Variants in MGAT5 observed in about 807,000 individuals in gnomAD.
MGAT5 encodes alpha-1,6-mannosylglycoprotein 6-beta-N-acetylglucosaminyltransferase A.
In MGAT5, 30 loss-of-function variants were observed where a neutral mutation model predicts 94.3. The observed-to-expected ratio is 0.32, with a 90% CI of 0.24 to 0.43. MGAT5 has a LOEUF of 0.43. Ranked by LOEUF, MGAT5 falls within the 20% of genes least tolerant of loss-of-function variation. The pLI is 1.00. For synonymous variants in MGAT5, 310 were observed against 322.9 expected (o/e 0.96, Z 0.43); for missense variants, 691 against 905.5 (o/e 0.76, Z 3.04).
intron 1 of MGAT5, among the ~76,000 whole-genome samples, chr2:134,227,627 TG>T (rs1464647765): frequency 2.0e-5 from 3 of 152,222 alleles, no homozygotes; most frequent in African/African-American, 7.2e-5. Context: ...TACTTACCTT[TG>T]AATTGCATTG....
intron 1 of MGAT5, among the ~76,000 whole-genome samples, chr2:134,230,260 C>T (rs757904005): frequency 9.9e-5 from 15 of 152,136 alleles, no homozygotes; most frequent in Admixed American, 2.0e-4. Context: ...CTAATGCAAC[C>T]GCTGATATGA....
upstream of MGAT5, among the ~76,000 whole-genome samples, chr2:134,252,331 G>T (rs1283913049): frequency 4.6e-5 from 7 of 152,216 alleles, no homozygotes; most frequent in Admixed American, 3.9e-4. Context: ...AGACCAGCAG[G>T]TACGTAGTGG....
At position 134,129,677 on chromosome 2, in the gene MGAT5, C is replaced by CTT. The variant is rs58781832; in HGVS notation, c.-143+9400_-143+9401dup. ...CTAAGGCCAGATGTTGAGCTGAGTA[C>CTT]TTTTTTTTTTTTTTTACTTTTTTTA... is the stretch of plus-strand genomic sequence containing the variant. On this transcript the variant is annotated intron_variant, in intron 1 of 16. Coordinates refer to the MGAT5 transcript ENST00000409645. Among the ~76,000 whole-genome samples, 38 of 145,528 alleles carry CTT rather than the reference C, an allele frequency of 2.6e-4. 1 individual carries two copies. Among genetic ancestry groups the CTT allele is most frequent in the Admixed American group, 1.5e-3 (22 of 14,758 alleles).
chr2:134,163,905 T>C (rs1687851363), intron 1 of MGAT5, among the ~76,000 whole-genome samples: 2 of 152,180 alleles, frequency 1.3e-5, no homozygotes, highest in African/African-American at 2.4e-5. Flanking sequence ...TTGGCAGCCA[T>C]GAAGGCTGGC....
intron 1 of MGAT5, among the ~76,000 whole-genome samples, chr2:134,152,328 G>T (rs914722736): frequency 9.1e-6 from 1 of 109,778 alleles, no homozygotes; most frequent in Non-Finnish European, 2.0e-5. Flanking sequence ...CGCCCTATGG[G>T]ACCCGCCCAC....
intron 4 of MGAT5, among the ~76,000 whole-genome samples, chr2:134,325,267 G>A (rs1394480121): frequency 6.6e-6 from 1 of 152,086 alleles, no homozygotes; most frequent in Non-Finnish European, 1.5e-5. Context: ...CATGTGGCAG[G>A]ATGGGGCTTC....
At chr2:134,295,495 C>A (rs1685619264) in intron 2 of MGAT5, among the ~76,000 whole-genome samples, 1 of 152,174 alleles carries the variant, frequency 6.6e-6, no homozygotes, top group South Asian at 2.1e-4. Context: ...ATTTTTCCCT[C>A]TGGATTAGCC....
intron 2 of MGAT5, among the ~76,000 whole-genome samples, chr2:134,277,200 T>A (rs1194304275): frequency 6.6e-6 from 1 of 152,192 alleles, no homozygotes; most frequent in Non-Finnish European, 1.5e-5. Flanking sequence ...TTAGCCTTCC[T>A]CTGGCTGAGT....
chr2:134,193,125 ATTT>A (rs1161424806), intron 1 of MGAT5, among the ~76,000 whole-genome samples: 1 of 131,266 alleles, frequency 7.6e-6, no homozygotes, highest in Non-Finnish European at 1.6e-5. Context: ...TTTATTTTTT[ATTT>A]TTTTTTTTTT....
intron 13 of MGAT5, 138 bp downstream of exon 13, chr2:134,423,057 G>T (rs1413130250): frequency 4.9e-6 from 3 of 618,156 alleles, no homozygotes; most frequent in African/African-American, 3.7e-5. Flanking sequence ...TAACCAAGCT[G>T]CAGGATTTGG....
chr2:134,392,133 A>G (rs1682453478), intron 10 of MGAT5, among the ~76,000 whole-genome samples: 1 of 152,292 alleles, frequency 6.6e-6, no homozygotes, highest in East Asian at 1.9e-4. Context: ...ATTGATGAGT[A>G]TGAGACCTCA....
intron 1 of MGAT5, among the ~76,000 whole-genome samples, chr2:134,144,605 G>A (rs1054423972): frequency 4.6e-5 from 7 of 152,216 alleles, no homozygotes; most frequent in Middle Eastern, 3.4e-3. Context: ...ATAATCCTTT[G>A]GGGAATGGGA....
Position 134,154,206 on chromosome 2 carries a change from C to T in MGAT5, c.-143+33915C>T, listed in dbSNP as rs1037718133. ...GGAGAAACGAATATGGGTCAGGGAA[C>T]GGATGGCACGCAGGAAAGAGCTTCA... is the stretch of plus-strand genomic sequence containing the variant. On this transcript the variant is annotated intron_variant, in intron 1 of 16. Coordinates refer to the MGAT5 transcript ENST00000409645. 4.6e-5 allele frequency among the ~76,000 whole-genome samples: 7 copies of T among 152,260 alleles called. 1 individual carries two copies. The highest frequency in any genetic ancestry group is 9.6e-5 in the African/African-American group (4 of 41,552).
intron 9 of MGAT5, among the ~76,000 whole-genome samples, chr2:134,351,347 T>G (rs191428256): frequency 6.6e-6 from 1 of 152,242 alleles, no homozygotes; most frequent in East Asian, 1.9e-4. Context: ...CAGAATAGCC[T>G]AAGAAGTGAC....
intron 2 of MGAT5, among the ~76,000 whole-genome samples, chr2:134,282,928 T>G (rs1268677162): frequency 2.0e-5 from 3 of 152,046 alleles, no homozygotes; most frequent in African/African-American, 4.8e-5. Context: ...CTGGGTGCAT[T>G]TAAGAACCAC....
chr2:134,286,558 A>G (rs1378183233), intron 2 of MGAT5, among the ~76,000 whole-genome samples: 1 of 151,958 alleles, frequency 6.6e-6, no homozygotes, highest in East Asian at 1.9e-4. Flanking sequence ...CAGCCTCCCA[A>G]GTAGCTGAGA....
intron 1 of MGAT5, among the ~76,000 whole-genome samples, chr2:134,231,925 C>G (rs116695238): frequency 2.2e-3 from 331 of 152,254 alleles, no homozygotes; most frequent in African/African-American, 7.8e-3. Flanking sequence ...AGACAAAGAT[C>G]GTTCTGTCTG....
chr2:134,324,993 T>C (rs1031980077), intron 4 of MGAT5, among the ~76,000 whole-genome samples: 2 of 116,656 alleles, frequency 1.7e-5, no homozygotes, highest in African/African-American at 6.1e-5. Context: ...TTCTAAGACA[T>C]CCTTAGTAAA....
intron 1 of MGAT5, among the ~76,000 whole-genome samples, chr2:134,257,044 A>C (rs1417919800): frequency 6.6e-6 from 1 of 152,166 alleles, no homozygotes; most frequent in Non-Finnish European, 1.5e-5. Context: ...TTTCAGCAGC[A>C]TCTCAGGGGT....
Sources: gnomAD v4.1 joint callset for allele counts (sites outside exome capture counted in the v4.1 genomes callset) on GRCh38, gnomAD v4.1.1 for gene constraint, MANE v1.5 for transcripts, NCBI Gene and HGNC (gene_info 2026-07-23, HGNC 2026-07-21) for gene names.